Variants in MAPKAP1 observed in about 807,000 individuals in gnomAD.
MAPKAP1 encodes the protein target of rapamycin complex 2 subunit MAPKAP1.
MAPKAP1 carries 20 observed loss-of-function variants against 65.7 expected under a neutral mutation model. That is an observed-to-expected ratio of 0.30 (90% confidence interval 0.21 to 0.44). The LOEUF is 0.44. Among genes scored for constraint, MAPKAP1 ranks in the 20% least tolerant of loss-of-function variants. The probability of loss-of-function intolerance (pLI) is 1.00; values close to 1 mark genes in which losing one functional copy is unlikely to be tolerated. For missense variants in MAPKAP1, 423 were observed against 648.0 expected (o/e 0.65, Z 3.77); for synonymous variants, 222 against 244.3 (o/e 0.91, Z 0.85).
intron 6 of MAPKAP1, among the ~76,000 whole-genome samples, chr9:125,555,262 C>T (rs926113363): frequency 6.6e-6 from 1 of 152,144 alleles, no homozygotes; most frequent in Admixed American, 6.5e-5. Context: ...GAGTTCTGTA[C>T]ATAACTTACA....
intron 5 of MAPKAP1, among the ~76,000 whole-genome samples, chr9:125,576,466 A>G (rs986534903): frequency 1.9e-4 from 29 of 152,120 alleles, no homozygotes; most frequent in Non-Finnish European, 3.1e-4. Context: ...TTTTTTTAAA[A>G]AAACGAAGCA....
At chr9:125,533,609 T>C (rs939158198) in intron 7 of MAPKAP1, among the ~76,000 whole-genome samples, 2 of 152,022 alleles carry the variant, frequency 1.3e-5, no homozygotes, top group Admixed American at 6.6e-5. Flanking sequence ...TGTCACCTAA[T>C]TTGGCTAATT....
chr9:125,662,356 C>T (rs890480902), intron 3 of MAPKAP1, among the ~76,000 whole-genome samples: 1 of 151,964 alleles, frequency 6.6e-6, no homozygotes, highest in Non-Finnish European at 1.5e-5. Flanking sequence ...CATTCTAGCC[C>T]CGGTGAGAGT....
chr9:125,580,469 A>G (rs931079493), intron 5 of MAPKAP1, among the ~76,000 whole-genome samples: 1 of 142,040 alleles, frequency 7.0e-6, no homozygotes, highest in African/African-American at 2.6e-5. Context: ...TCTCACTTAT[A>G]GGTGGGAACT....
intron 10 of MAPKAP1, among the ~76,000 whole-genome samples, chr9:125,467,486 C>T (rs955748914): frequency 6.6e-6 from 1 of 152,198 alleles, no homozygotes; most frequent in Non-Finnish European, 1.5e-5. Flanking sequence ...CATGCAGCTG[C>T]CAATAATCTA....
At chr9:125,697,922 C>G (rs1417769574) in intron 1 of MAPKAP1, among the ~76,000 whole-genome samples, 1 of 151,828 alleles carries the variant, frequency 6.6e-6, no homozygotes, top group Non-Finnish European at 1.5e-5. Flanking sequence ...TAATCAAACA[C>G]TCTCACAATA....
chr9:125,505,441 G>A (rs952551661), intron 8 of MAPKAP1, among the ~76,000 whole-genome samples: 1 of 151,944 alleles, frequency 6.6e-6, no homozygotes, highest in African/African-American at 2.4e-5. Context: ...AAAAGAGTTT[G>A]AGACCAGCCT....
intron 5 of MAPKAP1, among the ~76,000 whole-genome samples, chr9:125,564,901 T>C (rs1831002282): frequency 6.6e-6 from 1 of 152,042 alleles, no homozygotes; most frequent in African/African-American, 2.4e-5. Context: ...AAAAGAACAA[T>C]GAACAAGTAC....
chr9:125,699,170 T>C (rs1835521903), intron 1 of MAPKAP1, among the ~76,000 whole-genome samples: 2 of 152,200 alleles, frequency 1.3e-5, no homozygotes, highest in South Asian at 4.1e-4. Flanking sequence ...ATATTTCATA[T>C]ACACTTTACA....
chr9:125,596,011 C>T, intron 4 of MAPKAP1: 6 of 1,510,402 alleles, frequency 4.0e-6, no homozygotes, highest in Non-Finnish European at 3.6e-6. Context: ...AAAGAAGACA[C>T]TGAAGAACAT....
At chr9:125,694,795 A>G (rs1307947558) in intron 1 of MAPKAP1, among the ~76,000 whole-genome samples, 5 of 152,228 alleles carry the variant, frequency 3.3e-5, no homozygotes, top group African/African-American at 1.2e-4. Context: ...CTGATGCATG[A>G]CTATCTAAGG....
At chr9:125,480,187 TC>T (rs1854258389) in intron 9 of MAPKAP1, among the ~76,000 whole-genome samples, 1 of 152,166 alleles carries the variant, frequency 6.6e-6, no homozygotes, top group Non-Finnish European at 1.5e-5. Flanking sequence ...ACCTGTGTAA[TC>T]TACGTGGGAT....
intron 10 of MAPKAP1, among the ~76,000 whole-genome samples, chr9:125,460,190 G>T (rs946842570): frequency 2.0e-5 from 3 of 151,790 alleles, no homozygotes; most frequent in African/African-American, 7.3e-5. Context: ...CTAGGAAAAC[G>T]CAAATGTATA....
intron 10 of MAPKAP1, among the ~76,000 whole-genome samples, chr9:125,461,180 T>G (rs1323119069): frequency 6.6e-6 from 1 of 152,194 alleles, no homozygotes; most frequent in Non-Finnish European, 1.5e-5. Context: ...AGTTCAACAT[T>G]AGATGACGCA....
At chr9:125,571,841 C>A (rs184866785) in intron 5 of MAPKAP1, among the ~76,000 whole-genome samples, 4 of 151,976 alleles carry the variant, frequency 2.6e-5, no homozygotes, top group Admixed American at 2.0e-4. Flanking sequence ...CCAGCCTGCT[C>A]GACGGGAGCG....
At chr9:125,578,179 G>A (rs199602694) in intron 5 of MAPKAP1, among the ~76,000 whole-genome samples, 8 of 152,300 alleles carry the variant, frequency 5.3e-5, no homozygotes, top group East Asian at 1.9e-4. Context: ...ACTCAGGGTT[G>A]AATGGATTAA....
chr9:125,687,182 T>C (rs528698754), intron 1 of MAPKAP1, among the ~76,000 whole-genome samples: 1 of 151,210 alleles, frequency 6.6e-6, no homozygotes, highest in Admixed American at 6.6e-5. Context: ...CTACAAGAGT[T>C]AAAGGTGATA....
intron 9 of MAPKAP1, among the ~76,000 whole-genome samples, chr9:125,475,330 T>C (rs1029460106): frequency 2.0e-5 from 3 of 152,166 alleles, no homozygotes; most frequent in Non-Finnish European, 2.9e-5. Flanking sequence ...GCACCCAAAA[T>C]AGATGACAAA....
At chr9:125,697,163 C>G (rs1334217314) in intron 1 of MAPKAP1, among the ~76,000 whole-genome samples, 2 of 152,158 alleles carry the variant, frequency 1.3e-5, no homozygotes, top group Admixed American at 1.3e-4. Flanking sequence ...ATAGTAACAT[C>G]ATTTATGTCA....
Sources: allele counts gnomAD v4.1 joint callset (sites outside exome capture counted in the v4.1 genomes callset), GRCh38; gene constraint gnomAD v4.1.1; transcripts MANE v1.5; gene names NCBI Gene and HGNC (gene_info 2026-07-23, HGNC 2026-07-21).